RPS6: variants seen among roughly 807,000 people sequenced by gnomAD.
RPS6 encodes the protein ribosomal protein S6.
A neutral mutation model predicts 27.1 loss-of-function variants in RPS6; 1 was observed. The ratio of observed to expected loss-of-function variants is 0.04; its 90% CI spans 0.01 to 0.18. RPS6 has a LOEUF of 0.18. RPS6 is among the 10% of genes least tolerant of loss of function. The pLI, the probability that RPS6 is intolerant of heterozygous loss-of-function variation, is 1.00. For missense variants in RPS6, 259 were observed against 319.1 expected (o/e 0.81, Z 1.44); for synonymous variants, 152 against 106.0 (o/e 1.43, Z -2.66).
intron 4 of RPS6, among the ~76,000 whole-genome samples, chr9:19,377,066 A>G (rs2132426180): frequency 6.6e-6 from 1 of 152,316 alleles, no homozygotes; most frequent in Non-Finnish European, 1.5e-5. Flanking sequence ...CTGCCAATTC[A>G]GGGGTAACGT....
chr9:19,379,656 T>C (rs534964910), intron 1 of RPS6, 38 bp from the exon 2 acceptor site: 3 of 1,586,944 alleles, frequency 1.9e-6, no homozygotes, highest in East Asian at 2.2e-5. Context: ...TACGAAACTA[T>C]CTATACAGGT....
chr9:19,378,660 C>T lies in RPS6; in HGVS notation c.349+48G>A, dbSNP rs372264336. On this transcript the variant is annotated intron_variant, in intron 3 of 5. Coordinates refer to ENST00000380394, the MANE Select transcript of RPS6 (RefSeq NM_001010.3). ...TGCAAATGAATAAGCATTTGGACAA[C>T]TGGCTTTAAATCAATTTCAACGAAA... 10 of 1,602,194 alleles carry T rather than the reference C, an allele frequency of 6.2e-6. No individual in the cohort carries two copies. The African/African-American group carries it at 1.2e-4, about 19-fold the overall frequency.
intron 4 of RPS6, among the ~76,000 whole-genome samples, chr9:19,378,030 C>T (rs576110280): frequency 2.0e-4 from 30 of 152,250 alleles, no homozygotes; most frequent in Admixed American, 3.3e-4. Context: ...TATAAAATTA[C>T]AAAGTGTGTG....
chr9:19,380,227 C>T lies in RPS6; in HGVS notation c.-32G>A. The stretch of plus-strand genomic sequence containing the variant: ...GCAGCTGAACGCCTCCGAGGCGCCA[C>T]GGAAAAGAGGGCCAACTTCCGCTTA... On this transcript the variant is annotated 5_prime_UTR_variant, in exon 1 of 6. The change creates a new upstream start codon in the 5' untranslated region. Coordinates refer to ENST00000380394, the MANE Select transcript of RPS6 (RefSeq NM_001010.3). 6.2e-7 allele frequency: 1 copy of T among 1,612,498 alleles called. No individual in the cohort carries two copies. The highest frequency in any genetic ancestry group is 8.5e-7 in the Non-Finnish European group (1 of 1,178,554).
In RPS6 at chr9:19,380,174, C is replaced by A. The variant is rs12001628; in HGVS notation, c.6+16G>T. 8,734 of 1,614,122 alleles carry A rather than the reference C, an allele frequency of 5.4e-3. 405 individuals are homozygous for A. The African/African-American group carries it at 0.1, about 19-fold the overall frequency. On this transcript the variant is annotated intron_variant, in intron 1 of 5. Transcript: ENST00000380394. ...CGTTCCCCAAACCCAGTCTAACACT[C>A]GCCACCATCACCTACCTTCATCTTG...
In RPS6 at chr9:19,376,407, CA is replaced by C; in HGVS notation, c.655-20del. ...TAGCCTCCTAAACAAAACAAAACAG[CA>C]AACAGTTAAGGCCTTTCTGGGTTAA... On this transcript the variant is annotated intron_variant, in intron 5 of 5. Transcript: ENST00000380394. 6.2e-7 allele frequency: 1 copy of C among 1,613,532 alleles called. No homozygotes were observed. Among genetic ancestry groups the C allele is most frequent in the Non-Finnish European group, 8.5e-7 (1 of 1,179,710 alleles).
intron 2 of RPS6, 50 bp downstream of exon 2, chr9:19,379,437 G>T (rs530117224): frequency 6.2e-7 from 1 of 1,610,220 alleles, no homozygotes; most frequent in East Asian, 2.2e-5. Context: ...GTTACCAATG[G>T]CGTTTACCGT....
At chr9:19,377,283 T>C (rs1018452452) in intron 4 of RPS6, among the ~76,000 whole-genome samples, 2 of 146,356 alleles carry the variant, frequency 1.4e-5, no homozygotes, top group East Asian at 3.9e-4. Context: ...AGCCTCCTAC[T>C]ATAGACATAA....
Position 19,376,541 on chromosome 9 carries a change from T to C in RPS6, c.607A>G (p.Lys203Glu). ...ALKKQRTKKNKEEAAEYAKLL... is the reference protein window; with the variant it reads ...ALKKQRTKKNEEEAAEYAKLL... ...TTAGCATATTCTGCAGCCTCTTCTTTATTTTTCTTGGTACGCTGCTTCTTC... is the reference window on the plus strand; with the variant it reads ...TTAGCATATTCTGCAGCCTCTTCTTCATTTTTCTTGGTACGCTGCTTCTTC... Residue 203 changes from lysine to glutamate, a missense_variant, in exon 5 of 6, where the codon AAA (lysine) becomes GAA (glutamate). Around this residue, in one of 3 missense-constraint regions of RPS6, gnomAD observed 191 missense variants for 231.6 expected, o/e 0.82. Transcript: ENST00000380394. 1 of 1,614,204 alleles carries C rather than the reference T, an allele frequency of 6.2e-7. No homozygotes were observed. The highest frequency in any genetic ancestry group is 8.5e-7 in the Non-Finnish European group (1 of 1,180,032).
intron 3 of RPS6, 58 bp from the exon 4 acceptor site, chr9:19,378,572 CAG>C: frequency 4.4e-6 from 7 of 1,597,398 alleles, no homozygotes; most frequent in African/African-American, 2.7e-5. Context: ...AATCCTAAAT[CAG>C]AATGTTTAAT....
chr9:19,378,333 A>C (rs1829623418), intron 4 of RPS6, 35 bp downstream of exon 4: 1 of 1,604,638 alleles, frequency 6.2e-7, no homozygotes, highest in Middle Eastern at 2.3e-4. Flanking sequence ...AAATTACCAA[A>C]ATTAAGCAAG....
Position 19,380,186 on chromosome 9 carries a change from C to T in RPS6, c.6+4G>A, listed in dbSNP as rs1358678942. 1.3e-5 allele frequency: 21 copies of T among 1,614,062 alleles called. No individual in the cohort carries two copies. The highest frequency in any genetic ancestry group is 1.7e-5 in the Non-Finnish European group (20 of 1,180,042). ...CCAGTCTAACACTCGCCACCATCACCTACCTTCATCTTGAAGCAGCTGAAC... is the reference window on the plus strand; with the variant it reads ...CCAGTCTAACACTCGCCACCATCACTTACCTTCATCTTGAAGCAGCTGAAC... On this transcript the variant is annotated splice_donor_region_variant and intron_variant, in intron 1 of 5. Coordinates refer to ENST00000380394, the MANE Select transcript of RPS6 (RefSeq NM_001010.3).
chr9:19,380,004 G>A (rs1829653055), intron 1 of RPS6, 186 bp downstream of exon 1: 4 of 1,479,884 alleles, frequency 2.7e-6, no homozygotes, highest in African/African-American at 1.4e-5. Context: ...CGCGGCTCCA[G>A]CCGCAATCGC....
chr9:19,376,514 G>C lies in RPS6; in HGVS notation c.634C>G (p.Leu212Val). The C allele has an allele frequency of 6.2e-7, 1 of 1,614,032 alleles. No individual in the cohort carries two copies. The highest frequency in any genetic ancestry group is 8.5e-7 in the Non-Finnish European group (1 of 1,180,008). The change falls in exon 5 of 6, where the codon CTT becomes GTT. Residue 212 changes from leucine (L) to valine (V), a missense_variant. Coordinates refer to ENST00000380394, the MANE Select transcript of RPS6 (RefSeq NM_001010.3). The part of the protein sequence containing the change: ...NKEEAAEYAK[L>V]LAKRMKEAKE... ...CTAACCTTCATTCTCTTGGCCAAAA[G>C]TTTAGCATATTCTGCAGCCTCTTCT...
rs1269573310 is a variant in RPS6 at position 19,376,220 on chromosome 9, G to A, written c.*73C>T. On this transcript the variant is annotated 3_prime_UTR_variant, in exon 6 of 6. Transcript: ENST00000380394. ...CCTAACTTTCCCTCTCTTCATTTAT[G>A]TAGTTTTCTATCAGCAATGAAAAGT... 2 of 1,272,094 alleles carry A rather than the reference G, an allele frequency of 1.6e-6. No homozygotes were observed. The highest frequency in any genetic ancestry group is 2.2e-6 in the Non-Finnish European group (2 of 894,108). The allele number at this position is 1,272,094 out of a possible 1,614,324, so 78.8% of individuals were successfully genotyped here.
rs562048924 is a variant in RPS6, at chr9:19,375,727, C to G, written c.*566G>C. On this transcript the variant is annotated 3_prime_UTR_variant, in exon 6 of 6. Coordinates refer to ENST00000380394, the MANE Select transcript of RPS6 (RefSeq NM_001010.3). ...CATACTTTGTGCATTTTTCACTGAT[C>G]CAAGAATGTTTTTAGTCATTTCCTT... 2 of 152,354 alleles carry G rather than the reference C, an allele frequency of 1.3e-5. No individual in the cohort carries two copies. Among genetic ancestry groups the G allele is most frequent in the South Asian group, 2.1e-4 (1 of 4,824 alleles). The allele number at this position is 152,354 out of a possible 1,614,324, so 9.4% of individuals were successfully genotyped here. A position where few individuals can be genotyped will look rare whatever the true frequency, so the allele number is the denominator to read the frequency against.
chr9:19,380,061 C>A (rs910253399), intron 1 of RPS6, 129 bp downstream of exon 1: 3 of 1,597,522 alleles, frequency 1.9e-6, no homozygotes, highest in Admixed American at 3.5e-5. Context: ...AAAGGCGAGC[C>A]TTCTCCTACT....
intron 4 of RPS6, among the ~76,000 whole-genome samples, chr9:19,377,243 CTCAGATGT>C (rs555931610): frequency 6.6e-5 from 10 of 152,246 alleles, no homozygotes; most frequent in African/African-American, 2.4e-4. Context: ...AGGCTAAATG[CTCAGATGT>C]TCAGATTCTG....
At chr9:19,380,164 G>T in intron 1 of RPS6, 26 bp downstream of exon 1, 1 of 1,613,532 alleles carries the variant, frequency 6.2e-7, no homozygotes, top group Non-Finnish European at 8.5e-7. Flanking sequence ...CCCAAACCCA[G>T]TCTAACACTC....
Sources: gnomAD v4.1 joint callset for allele counts (sites outside exome capture counted in the v4.1 genomes callset) on GRCh38, gnomAD v4.1.1 for gene constraint, gnomAD v4.1.1 regional missense constraint, MANE v1.5 for transcripts, NCBI Gene and HGNC (gene_info 2026-07-23, HGNC 2026-07-21) for gene names.